DNM3: variants seen among roughly 807,000 people sequenced by gnomAD.
DNM3 encodes the protein dynamin 3.
Under a neutral mutation model 101.6 loss-of-function variants are expected in DNM3, and 47 were observed. That is an observed-to-expected ratio of 0.46 (90% CI 0.37 to 0.59). The LOEUF (loss-of-function observed/expected upper bound fraction) is 0.59, where lower values mean the gene tolerates loss of function less well. DNM3 is among the 20% of genes least tolerant of loss of function. The pLI, the probability that DNM3 is intolerant of heterozygous loss-of-function variation, is 0.00. For synonymous variants in DNM3, 385 were observed against 387.9 expected (o/e 0.99, Z 0.09); for missense variants, 849 against 1,085.7 (o/e 0.78, Z 3.06).
At chr1:172,113,075 G>A (rs753672903) in intron 13 of DNM3, among the ~76,000 whole-genome samples, 14 of 152,108 alleles carry the variant, frequency 9.2e-5, no homozygotes, top group Admixed American at 9.2e-4. Flanking sequence ...TGAATGTGGG[G>A]TATTTACTGA....
rs538704232 is a variant in DNM3, at chr1:171,920,455, C to G, written c.162-1293C>G. Among the ~76,000 whole-genome samples, 21 of 152,300 alleles carry G rather than the reference C, an allele frequency of 1.4e-4. No individual in the cohort carries two copies. In the East Asian group the frequency reaches 4.0e-3, roughly 29 times the overall value. On this transcript the variant is annotated intron_variant, in intron 1 of 20. Coordinates refer to ENST00000627582, the MANE Select transcript of DNM3 (RefSeq NM_015569.5). ...TGGGAGCTTGTTAAGAGTACAAATG[C>G]TGCATGCCTTCCCCTGAATATGATG...
chr1:172,116,226 A>ATCTTGT lies in DNM3; in HGVS notation c.1546-14942_1546-14937dup, dbSNP rs201306123. On this transcript the variant is annotated intron_variant, in intron 13 of 20. Transcript: ENST00000627582. ...TTCCCCTTTTTCAATTTGTGTCATTATCTTGTTCTTGTATTGTGCTGCCTG... is the reference window on the plus strand; with the variant it reads ...TTCCCCTTTTTCAATTTGTGTCATTATCTTGTTCTTGTTCTTGTATTGTGCTGCCTG... 1.6e-4 allele frequency among the ~76,000 whole-genome samples: 24 copies of ATCTTGT among 152,282 alleles called. No individual in the cohort carries two copies. The East Asian group carries it at 4.1e-3, about 26-fold the overall frequency.
chr1:171,928,262 G>A (rs1170097010), intron 2 of DNM3, among the ~76,000 whole-genome samples: 1 of 152,124 alleles, frequency 6.6e-6, no homozygotes, highest in Non-Finnish European at 1.5e-5. Context: ...GAAAGGGTGG[G>A]TTCTTCTCCC....
At chr1:172,010,101 G>A (rs917238347) in intron 4 of DNM3, among the ~76,000 whole-genome samples, 2 of 151,734 alleles carry the variant, frequency 1.3e-5, no homozygotes, top group Non-Finnish European at 2.9e-5. Context: ...ATTTAAGTCT[G>A]AAGTTGTGCA....
intron 1 of DNM3, among the ~76,000 whole-genome samples, chr1:171,879,767 C>G (rs942690286): frequency 6.6e-6 from 1 of 152,196 alleles, no homozygotes; most frequent in Non-Finnish European, 1.5e-5. Flanking sequence ...CCAGGAGTCA[C>G]GAAGCAACTG....
At chr1:172,010,682 TTGTGTGTGTG>T (rs59701730) in intron 4 of DNM3, among the ~76,000 whole-genome samples, 1,922 of 112,724 alleles carry the variant, frequency 0.017, 55 homozygotes, top group African/African-American at 0.059. Flanking sequence ...TTGGTATGTT[TTGTGTGTGTG>T]TGTGTGTGTG....
At position 172,255,098 on chromosome 1, in the gene DNM3, A is replaced by G. The variant is rs2062344920; in HGVS notation, c.1769+1416A>G. On this transcript the variant is annotated intron_variant, in intron 15 of 20. Transcript: ENST00000627582. ...TCAGTTGCTCAGAGTGACTCATAAT[A>G]CAAAAATACTTAGTAAAACCACAAA... Among the ~76,000 whole-genome samples, 2 of 152,250 alleles carry G rather than the reference A, an allele frequency of 1.3e-5. 1 individual carries two copies. The highest frequency in any genetic ancestry group is 4.2e-4 in the South Asian group (2 of 4,816).
intron 13 of DNM3, among the ~76,000 whole-genome samples, chr1:172,100,771 C>G (rs942941858): frequency 9.2e-5 from 14 of 152,108 alleles, no homozygotes; most frequent in African/African-American, 3.1e-4. Flanking sequence ...ATAGTGTCAC[C>G]ATGAACTAGT....
At chr1:172,303,783 T>C (rs2064604378) in intron 15 of DNM3, among the ~76,000 whole-genome samples, 1 of 152,036 alleles carries the variant, frequency 6.6e-6, no homozygotes, top group African/African-American at 2.4e-5. Context: ...CAAACTAAGC[T>C]TCATAAGTGA....
rs1318286885 is a variant in DNM3, at chr1:172,116,569, T to G, written c.1546-14606T>G. Among the ~76,000 whole-genome samples the G allele has an allele frequency of 5.3e-5, 8 of 152,206 alleles. No homozygotes were observed. In the East Asian group the frequency reaches 1.2e-3, roughly 22 times the overall value. On this transcript the variant is annotated intron_variant, in intron 13 of 20. Coordinates refer to ENST00000627582, the MANE Select transcript of DNM3 (RefSeq NM_015569.5). ...AAAGCTCCAATGGAGATTCCCTTCT[T>G]TCTCCCATAGCTGAGGACCCTGTAT...
chr1:172,271,398 T>A (rs1396230328), intron 15 of DNM3, among the ~76,000 whole-genome samples: 1 of 152,194 alleles, frequency 6.6e-6, no homozygotes, highest in East Asian at 1.9e-4. Context: ...ATAAATTATA[T>A]GTTTTACTTT....
intron 15 of DNM3, among the ~76,000 whole-genome samples, chr1:172,271,713 A>G (rs1233136756): frequency 6.6e-6 from 1 of 152,182 alleles, no homozygotes; most frequent in Non-Finnish European, 1.5e-5. Context: ...TGAGCTTTCT[A>G]TATTCTGCTA....
chr1:172,104,136 A>C (rs1438851276), intron 13 of DNM3, among the ~76,000 whole-genome samples: 1 of 152,218 alleles, frequency 6.6e-6, no homozygotes, highest in East Asian at 1.9e-4. Context: ...TAGGATTTTA[A>C]AAATAGTCTG....
At chr1:172,260,467 G>T (rs1173123763) in intron 15 of DNM3, among the ~76,000 whole-genome samples, 1 of 151,518 alleles carries the variant, frequency 6.6e-6, no homozygotes, top group Non-Finnish European at 1.5e-5. Context: ...TTGAATATTT[G>T]GATGCTTTAT....
chr1:172,150,896 T>C (rs192950511), intron 14 of DNM3, among the ~76,000 whole-genome samples: 52 of 152,354 alleles, frequency 3.4e-4, no homozygotes, highest in African/African-American at 1.2e-3. Context: ...GGAAGCTGAC[T>C]TCTTAAGATA....
chr1:172,393,097 T>C (rs1198110646), intron 20 of DNM3: 1 of 152,234 alleles, frequency 6.6e-6, no homozygotes, highest in African/African-American at 2.4e-5. Context: ...AAGAGTTTCA[T>C]TGTAATCCCA....
At chr1:172,044,566 T>C in intron 9 of DNM3, 114 bp downstream of exon 9, 1 of 824,948 alleles carries the variant, frequency 1.2e-6, no homozygotes. Flanking sequence ...AATACAGAGG[T>C]GGGAGTAAGA....
intron 2 of DNM3, among the ~76,000 whole-genome samples, chr1:171,952,530 G>C (rs576707554): frequency 6.6e-6 from 1 of 152,062 alleles, no homozygotes; most frequent in Non-Finnish European, 1.5e-5. Context: ...TTTCCATCAC[G>C]GCTGAGAATT....
intron 15 of DNM3, among the ~76,000 whole-genome samples, chr1:172,279,180 A>G (rs1174724833): frequency 1.3e-5 from 2 of 152,186 alleles, no homozygotes; most frequent in Non-Finnish European, 2.9e-5. Context: ...AGCATTTTTC[A>G]GTTCCTTTTA....
Sources: allele counts gnomAD v4.1 joint callset (sites outside exome capture counted in the v4.1 genomes callset), GRCh38; gene constraint gnomAD v4.1.1; transcripts MANE v1.5; gene names NCBI Gene and HGNC (gene_info 2026-07-23, HGNC 2026-07-21).